Variants in GPM6A observed in about 807,000 individuals in gnomAD.
GPM6A encodes neuronal membrane glycoprotein M6-a.
A neutral mutation model predicts 32.1 loss-of-function variants in GPM6A; 7 were observed. The observed-to-expected ratio is 0.22, with a 90% CI of 0.12 to 0.41. The LOEUF (loss-of-function observed/expected upper bound fraction) is 0.41. Ranked by LOEUF, GPM6A falls within the 10% of genes least tolerant of loss-of-function variation. GPM6A has a pLI of 1.00. For synonymous variants in GPM6A, 130 were observed against 123.4 expected (o/e 1.05, Z -0.35); for missense variants, 235 against 347.2 (o/e 0.68, Z 2.57).
chr4:175,812,366 T>C (rs1727916557), upstream of GPM6A: 1 of 1,327,252 alleles, frequency 7.5e-7, no homozygotes, highest in Non-Finnish European at 9.6e-7. Flanking sequence ...CAGCAGTGGC[T>C]TGGGCAAGTC....
intron 3 of GPM6A, among the ~76,000 whole-genome samples, chr4:175,670,951 C>T (rs1462014738): frequency 6.7e-6 from 1 of 150,190 alleles, no homozygotes; most frequent in Admixed American, 6.7e-5. Context: ...GCAACCTCTG[C>T]CTCCTGGGTT....
chr4:175,955,392 A>C (rs1739951621), intron 1 of GPM6A, among the ~76,000 whole-genome samples: 1 of 152,226 alleles, frequency 6.6e-6, no homozygotes. Flanking sequence ...CAGGAAACTC[A>C]CATTTAAATC....
chr4:175,908,931 C>A (rs1330613259), intron 1 of GPM6A, among the ~76,000 whole-genome samples: 3 of 149,514 alleles, frequency 2.0e-5, no homozygotes, highest in Non-Finnish European at 4.4e-5. Context: ...ATACCCTATC[C>A]GTAAAAGCAC....
At chr4:175,749,255 C>A (rs76120337) in intron 1 of GPM6A, among the ~76,000 whole-genome samples, 19,595 of 152,036 alleles carry the variant, frequency 0.13, 1,605 homozygotes, top group Non-Finnish European at 0.19. Context: ...AACCTAATAA[C>A]TTTGATAATC....
intron 4 of GPM6A, 55 bp from the exon 5 acceptor site, chr4:175,640,884 A>G: frequency 3.5e-6 from 4 of 1,145,014 alleles, no homozygotes; most frequent in Middle Eastern, 2.0e-4. Context: ...AAGAGCCAAG[A>G]GAGAAAAAAA....
chr4:176,000,306 T>C (rs773200967), intron 1 of GPM6A, among the ~76,000 whole-genome samples: 3 of 152,156 alleles, frequency 2.0e-5, no homozygotes, highest in Admixed American at 6.5e-5. Context: ...ATCTGTCAGA[T>C]TACAGACAGG....
chr4:175,702,081 A>G (rs2111066021), intron 1 of GPM6A, among the ~76,000 whole-genome samples: 1 of 152,344 alleles, frequency 6.6e-6, no homozygotes, highest in South Asian at 2.1e-4. Flanking sequence ...ATATCATTCC[A>G]TCTTGAATTT....
At chr4:175,661,496 T>C (rs1742414294) in intron 3 of GPM6A, among the ~76,000 whole-genome samples, 1 of 151,848 alleles carries the variant, frequency 6.6e-6, no homozygotes, top group Non-Finnish European at 1.5e-5. Flanking sequence ...TTTTTAAACT[T>C]GAAAAGGAGC....
At chr4:175,841,268 A>G (rs1423478834) in intron 1 of GPM6A, among the ~76,000 whole-genome samples, 2 of 152,152 alleles carry the variant, frequency 1.3e-5, no homozygotes. Flanking sequence ...AGTAACATAC[A>G]TTTTATAAGC....
chr4:175,932,580 C>G, intron 1 of GPM6A, among the ~76,000 whole-genome samples: 1 of 151,968 alleles, frequency 6.6e-6, no homozygotes, highest in East Asian at 1.9e-4. Context: ...TTTCTCATTT[C>G]AAAATATTTA....
chr4:175,815,079 C>T (rs866667534), upstream of GPM6A, among the ~76,000 whole-genome samples: 7 of 152,198 alleles, frequency 4.6e-5, no homozygotes, highest in Middle Eastern at 3.4e-3. Flanking sequence ...GGCATGATCT[C>T]AGCTCACTGC....
intron 1 of GPM6A, among the ~76,000 whole-genome samples, chr4:175,777,892 T>C (rs1040844514): frequency 6.6e-6 from 1 of 152,226 alleles, no homozygotes; most frequent in Non-Finnish European, 1.5e-5. Flanking sequence ...TATTTTTCTT[T>C]GATAACATTT....
In GPM6A at chr4:175,764,671, CAT is replaced by C. The variant is rs1732887742; in HGVS notation, c.37+47518_37+47519del. Among the ~76,000 whole-genome samples the C allele has an allele frequency of 1.3e-5, 2 of 151,994 alleles. 1 individual carries two copies. The highest frequency in any genetic ancestry group is 4.1e-4 in the South Asian group (2 of 4,830). ...ACTATGAAACTCACTGTTTCAAAAA[CAT>C]AATAAAAACATCAGAATTGATAGCC... On this transcript the variant is annotated intron_variant, in intron 1 of 6. Transcript: ENST00000393658.
intron 1 of GPM6A, among the ~76,000 whole-genome samples, chr4:175,986,596 G>A (rs776523267): frequency 5.3e-5 from 8 of 152,100 alleles, no homozygotes; most frequent in Non-Finnish European, 1.0e-4. Context: ...AGTACTTGAC[G>A]TATTTACCTC....
At chr4:175,658,887 A>G (rs1433994281) in intron 3 of GPM6A, among the ~76,000 whole-genome samples, 2 of 152,168 alleles carry the variant, frequency 1.3e-5, no homozygotes, top group African/African-American at 2.4e-5. Flanking sequence ...AAATACTTCA[A>G]TCTCAATTGG....
intron 1 of GPM6A, among the ~76,000 whole-genome samples, chr4:175,871,287 T>C (rs1034299448): frequency 3.9e-5 from 6 of 151,908 alleles, no homozygotes; most frequent in African/African-American, 1.5e-4. Flanking sequence ...TGGCCCAACA[T>C]GGCGAAACCC....
chr4:175,825,652 T>G (rs974123105), intron 1 of GPM6A, among the ~76,000 whole-genome samples: 1 of 152,168 alleles, frequency 6.6e-6, no homozygotes, highest in Non-Finnish European at 1.5e-5. Context: ...ACATCACCCA[T>G]AGCCAAAATA....
chr4:175,668,229 C>G (rs1293957622), intron 3 of GPM6A, among the ~76,000 whole-genome samples: 1 of 151,960 alleles, frequency 6.6e-6, no homozygotes, highest in Non-Finnish European at 1.5e-5. Context: ...GTCCACTGTC[C>G]TAGTATTTAG....
intron 2 of GPM6A, among the ~76,000 whole-genome samples, chr4:175,686,981 C>A (rs1392875357): frequency 6.6e-6 from 1 of 152,156 alleles, no homozygotes; most frequent in African/African-American, 2.4e-5. Flanking sequence ...GCACTGAAAA[C>A]CAAACATTCC....
Sources: allele counts gnomAD v4.1 joint callset (sites outside exome capture counted in the v4.1 genomes callset), GRCh38; gene constraint gnomAD v4.1.1; transcripts MANE v1.5; gene names NCBI Gene and HGNC (gene_info 2026-07-23, HGNC 2026-07-21).